EIF4E3: variants seen among roughly 807,000 people sequenced by gnomAD.
The protein encoded by EIF4E3 is eukaryotic translation initiation factor 4E type 3.
In EIF4E3, 26 loss-of-function variants were observed where a neutral mutation model predicts 31.7. The observed-to-expected ratio is 0.82, with a 90% CI of 0.60 to 1.14. EIF4E3 has a LOEUF of 1.14. EIF4E3 is among the 50% of genes most tolerant of loss of function. The pLI is 0.00. For synonymous variants in EIF4E3, 128 were observed against 107.7 expected, an observed-to-expected ratio of 1.19 and a Z score of -1.17; for missense variants, 304 against 270.9, an observed-to-expected ratio of 1.12 and a Z score of -0.86.
chr3:71,745,048 C>A (rs1251941050), intron 1 of EIF4E3, among the ~76,000 whole-genome samples: 1 of 152,166 alleles, frequency 6.6e-6, no homozygotes, highest in African/African-American at 2.4e-5. Context: ...GGAAATCAGA[C>A]CACTGCAAGT....
chr3:71,718,273 C>T (rs934036943), intron 1 of EIF4E3, among the ~76,000 whole-genome samples: 10 of 152,302 alleles, frequency 6.6e-5, no homozygotes, highest in African/African-American at 2.2e-4. Context: ...CTGTGGCTTG[C>T]GGCTACACCA....
intron 2 of EIF4E3, among the ~76,000 whole-genome samples, chr3:71,703,811 C>CAAAAAAAAAAAAAAAAAA (rs370789059): frequency 2.8e-5 from 2 of 72,472 alleles, no homozygotes; most frequent in African/African-American, 1.2e-4. Flanking sequence ...AAACACACAT[C>CAAAAAAAAAAAAAAAAAA]AAAAAAAAAA....
At chr3:71,688,879 A>G (rs944381280) in intron 6 of EIF4E3, among the ~76,000 whole-genome samples, 33 of 152,218 alleles carry the variant, frequency 2.2e-4, no homozygotes, top group African/African-American at 8.0e-4. Flanking sequence ...GTAGTGCCAG[A>G]TCAGTCCCAC....
the EIF4E3 span, among the ~76,000 whole-genome samples, chr3:71,662,124 C>A: frequency 6.6e-6 from 1 of 152,172 alleles, no homozygotes; most frequent in Non-Finnish European, 1.5e-5. Flanking sequence ...TCTTAAGAAA[C>A]CACAAACACT....
At chr3:71,696,719 A>ATTT (rs151225724) in intron 3 of EIF4E3, among the ~76,000 whole-genome samples, 199 bp from the exon 4 acceptor site, 8,375 of 141,084 alleles carry the variant, frequency 0.059, 325 homozygotes, top group African/African-American at 0.09. Flanking sequence ...GTATATCTGA[A>ATTT]TTTTTTTTTT....
intron 1 of EIF4E3, among the ~76,000 whole-genome samples, chr3:71,718,571 A>C (rs969071636): frequency 2.0e-5 from 3 of 152,228 alleles, no homozygotes; most frequent in Non-Finnish European, 2.9e-5. Context: ...AAATTAAGAA[A>C]GACCAAGTTG....
At chr3:71,745,633 C>T (rs1007943823) in intron 1 of EIF4E3, among the ~76,000 whole-genome samples, 4 of 152,114 alleles carry the variant, frequency 2.6e-5, no homozygotes, top group African/African-American at 9.7e-5. Context: ...AATATTTATA[C>T]CATTATTCCA....
At chr3:71,685,008 C>A (rs2048972582) in intron 6 of EIF4E3, among the ~76,000 whole-genome samples, 1 of 152,044 alleles carries the variant, frequency 6.6e-6, no homozygotes, top group South Asian at 2.1e-4. Context: ...CTCAGCAAGC[C>A]GATGAAGAGA....
the EIF4E3 span, among the ~76,000 whole-genome samples, chr3:71,665,289 T>C: frequency 6.6e-6 from 1 of 152,222 alleles, no homozygotes; most frequent in African/African-American, 2.4e-5. Flanking sequence ...CTTGGTTTTC[T>C]CTTGATGACT....
intron 2 of EIF4E3, among the ~76,000 whole-genome samples, chr3:71,704,094 G>A (rs994371954): frequency 3.9e-5 from 6 of 152,240 alleles, no homozygotes; most frequent in Admixed American, 3.9e-4. Context: ...GTACTTGAGA[G>A]AGAAATGGGT....
the EIF4E3 span, among the ~76,000 whole-genome samples, chr3:71,665,733 T>A: frequency 6.6e-6 from 1 of 152,010 alleles, no homozygotes; most frequent in Non-Finnish European, 1.5e-5. Context: ...TGTAAAGGAA[T>A]GGAAATCATA....
rs903340768 is a variant in EIF4E3, at chr3:71,753,387, C to G, written c.-291+76G>C. The G allele has an allele frequency of 2.0e-5, 3 of 152,378 alleles. No individual in the cohort carries two copies. In the East Asian group the frequency reaches 5.8e-4, roughly 29 times the overall value. 9.4% of individuals were successfully genotyped at this position (152,378 alleles called of 1,614,324 possible). A position where few individuals can be genotyped will look rare whatever the true frequency, so the allele number is the denominator to read the frequency against. On this transcript the variant is annotated intron_variant, in intron 1 of 7. Transcript: ENST00000295612. ...CTGTCCCCTCTGAGGCCTCCCGACC[C>G]TGCCAGCCCAGGCAACCTCCCCCGC...
At chr3:71,729,586 C>T (rs2044609), upstream of EIF4E3, among the ~76,000 whole-genome samples, 27,502 of 152,090 alleles carry the variant, frequency 0.18, 2,556 homozygotes, top group East Asian at 0.31. Context: ...CTCTATCTCT[C>T]GAGTTATCGT....
At chr3:71,722,477 G>T (rs781401862) in intron 1 of EIF4E3, among the ~76,000 whole-genome samples, 35 of 152,182 alleles carry the variant, frequency 2.3e-4, no homozygotes, top group Non-Finnish European at 5.0e-4. Flanking sequence ...GAAGCAGTTA[G>T]AGACACATAA....
At chr3:71,710,298 C>T (rs1166804470) in intron 2 of EIF4E3, 114 bp downstream of exon 2, 2 of 1,236,908 alleles carry the variant, frequency 1.6e-6, no homozygotes, top group African/African-American at 1.5e-5. Context: ...CGAGAGCCAA[C>T]TCCAGAGCAG....
At chr3:71,734,236 A>G (rs1174133667) in intron 1 of EIF4E3, among the ~76,000 whole-genome samples, 2 of 152,230 alleles carry the variant, frequency 1.3e-5, no homozygotes, top group East Asian at 3.8e-4. Context: ...ACAAAAGAGG[A>G]GCTCTCATGG....
chr3:71,678,521 C>G lies in EIF4E3; in HGVS notation c.*6161G>C, dbSNP rs544715440. 20 of 152,228 alleles carry G rather than the reference C, an allele frequency of 1.3e-4. No individual in the cohort carries two copies. The South Asian group carries it at 3.5e-3, about 27-fold the overall frequency. 9.4% of individuals were successfully genotyped at this position (152,228 alleles called of 1,614,324 possible). A position where few individuals can be genotyped will look rare whatever the true frequency, so the allele number is the denominator to read the frequency against. ...AAAAGGCTGGAATAAAAAATACTGA[C>G]TTATAGAAGCAACTTTCACATGTAT... is the stretch of plus-strand genomic sequence containing the variant. On this transcript the variant is annotated 3_prime_UTR_variant, in exon 7 of 7. Coordinates refer to ENST00000425534, the MANE Select transcript of EIF4E3 (RefSeq NM_001134651.2).
At chr3:71,722,263 A>G (rs1164829946) in intron 1 of EIF4E3, among the ~76,000 whole-genome samples, 1 of 152,196 alleles carries the variant, frequency 6.6e-6, no homozygotes, top group Non-Finnish European at 1.5e-5. Flanking sequence ...CTGGTTGTGT[A>G]TTACATTGGA....
At chr3:71,715,940 G>C (rs2049457831) in intron 1 of EIF4E3, among the ~76,000 whole-genome samples, 1 of 152,156 alleles carries the variant, frequency 6.6e-6, no homozygotes, top group South Asian at 2.1e-4. Flanking sequence ...ATCTGGCTCT[G>C]AGGCCCATGA....
Sources: allele counts gnomAD v4.1 joint callset (sites outside exome capture counted in the v4.1 genomes callset), GRCh38; gene constraint gnomAD v4.1.1; transcripts MANE v1.5; gene names NCBI Gene and HGNC (gene_info 2026-07-23, HGNC 2026-07-21).